The following ASIC2 variants were observed in gnomAD, a reference collection of about 807,000 sequenced individuals.
The protein encoded by ASIC2 is acid sensing ion channel subunit 2.
A neutral mutation model predicts 57.3 loss-of-function variants in ASIC2; 25 were observed. The ratio of observed to expected loss-of-function variants is 0.44; its 90% confidence interval spans 0.32 to 0.61. The LOEUF is 0.61. Ranked by LOEUF, ASIC2 falls within the 20% of genes least tolerant of loss-of-function variation. The pLI, the probability that ASIC2 is intolerant of heterozygous loss-of-function variation, is 0.06. For missense variants in ASIC2, 641 were observed against 738.1 expected, an observed-to-expected ratio of 0.87 and a Z score of 1.52; for synonymous variants, 319 against 307.5, an observed-to-expected ratio of 1.04 and a Z score of -0.39.
chr17:34,129,222 G>C lies in ASIC2; in HGVS notation c.555+26756C>G, dbSNP rs191881453. Among the ~76,000 whole-genome samples, 391 of 152,248 alleles carry C rather than the reference G, an allele frequency of 2.6e-3. 1 individual carries two copies. Among genetic ancestry groups the C allele is most frequent in the African/African-American group, 8.7e-3 (360 of 41,534 alleles). On this transcript the variant is annotated intron_variant, in intron 1 of 9. Transcript: ENST00000359872. ...CATTTAATCCTCACAACAGCCTAAT[G>C]AGGTGGGGACTAGGATCACCCCACG...
intron 1 of ASIC2, among the ~76,000 whole-genome samples, chr17:33,185,833 C>T (rs997955423): frequency 1.3e-5 from 2 of 152,186 alleles, no homozygotes; most frequent in African/African-American, 4.8e-5. Flanking sequence ...CAGAGTGGAA[C>T]AGCTTTGTAA....
At chr17:33,596,311 CCAAA>C (rs1597801796) in intron 1 of ASIC2, among the ~76,000 whole-genome samples, 1 of 152,184 alleles carries the variant, frequency 6.6e-6, no homozygotes, top group East Asian at 1.9e-4. Flanking sequence ...TATTCAGTTA[CCAAA>C]CAGTTATTCG....
At chr17:33,266,006 T>G (rs1175995881) in intron 1 of ASIC2, among the ~76,000 whole-genome samples, 2 of 152,210 alleles carry the variant, frequency 1.3e-5, no homozygotes, top group African/African-American at 4.8e-5. Flanking sequence ...GTGGTCTTGC[T>G]GCTCCTTGAA....
At chr17:33,350,124 C>A (rs1203120931) in intron 1 of ASIC2, among the ~76,000 whole-genome samples, 3 of 152,166 alleles carry the variant, frequency 2.0e-5, no homozygotes, top group Non-Finnish European at 4.4e-5. Context: ...CCTATTGAGT[C>A]TCCTTGGATT....
At chr17:33,539,569 G>A (rs1915341504) in intron 1 of ASIC2, among the ~76,000 whole-genome samples, 2 of 152,256 alleles carry the variant, frequency 1.3e-5, no homozygotes, top group South Asian at 4.1e-4. Flanking sequence ...CCTTGTAGAA[G>A]TGCAACCATC....
intron 1 of ASIC2, among the ~76,000 whole-genome samples, chr17:33,145,612 A>C (rs1904528896): frequency 6.6e-6 from 1 of 152,078 alleles, no homozygotes; most frequent in Non-Finnish European, 1.5e-5. Context: ...TTCCTTACCT[A>C]TTTCCGTATT....
chr17:33,446,854 T>C (rs1912041188), intron 1 of ASIC2, among the ~76,000 whole-genome samples: 1 of 152,196 alleles, frequency 6.6e-6, no homozygotes, highest in African/African-American at 2.4e-5. Context: ...CGTGGCATGG[T>C]CTTGAAGAAT....
At chr17:33,568,359 A>T (rs1916314955) in intron 1 of ASIC2, among the ~76,000 whole-genome samples, 1 of 152,226 alleles carries the variant, frequency 6.6e-6, no homozygotes, top group Non-Finnish European at 1.5e-5. Context: ...ATTTTTATAT[A>T]TCCGCTCATT....
chr17:33,876,255 T>A (rs1248311237), intron 1 of ASIC2, among the ~76,000 whole-genome samples: 1 of 152,174 alleles, frequency 6.6e-6, no homozygotes, highest in Admixed American at 6.5e-5. Context: ...ATTTCACTCC[T>A]TGAGAAGTTA....
At chr17:33,417,660 G>A (rs1168598046) in intron 1 of ASIC2, among the ~76,000 whole-genome samples, 1 of 152,150 alleles carries the variant, frequency 6.6e-6, no homozygotes, top group Non-Finnish European at 1.5e-5. Flanking sequence ...TGCCATGCTG[G>A]TTGTTGAGGA....
At chr17:34,130,883 C>T (rs1911933012) in intron 1 of ASIC2, among the ~76,000 whole-genome samples, 1 of 152,142 alleles carries the variant, frequency 6.6e-6, no homozygotes, top group Non-Finnish European at 1.5e-5. Context: ...TGATGCCTGC[C>T]CTTAGGTAAA....
intron 1 of ASIC2, among the ~76,000 whole-genome samples, chr17:33,622,934 G>A (rs1003627164): frequency 1.7e-4 from 26 of 152,162 alleles, no homozygotes; most frequent in African/African-American, 6.3e-4. Context: ...AAAAATGAGA[G>A]CCCAGAGAAG....
In ASIC2 at chr17:33,204,282, C is replaced by T. The variant is rs1167744988; in HGVS notation, c.708+87126G>A. On this transcript the variant is annotated intron_variant, in intron 1 of 9. Coordinates refer to ENST00000225823, the MANE Select transcript of ASIC2 (RefSeq NM_183377.2). ...CCTACTTGTCTCTCCCCTTGTCCAGCTCTGGTCACTACGTTCTTGTTACCT... is the reference window on the plus strand; with the variant it reads ...CCTACTTGTCTCTCCCCTTGTCCAGTTCTGGTCACTACGTTCTTGTTACCT... 2.0e-5 allele frequency among the ~76,000 whole-genome samples: 3 copies of T among 152,328 alleles called. 1 individual carries two copies. The highest frequency in any genetic ancestry group is 6.8e-3 in the Middle Eastern group (2 of 294).
chr17:33,598,658 C>T (rs1905045685), intron 1 of ASIC2, among the ~76,000 whole-genome samples: 1 of 152,138 alleles, frequency 6.6e-6, no homozygotes, highest in South Asian at 2.1e-4. Flanking sequence ...CTTTTCCTTC[C>T]CAGCTGGGTC....
chr17:33,677,634 GT>G (rs1907866647), intron 1 of ASIC2, among the ~76,000 whole-genome samples: 1 of 152,192 alleles, frequency 6.6e-6, no homozygotes, highest in Non-Finnish European at 1.5e-5. Flanking sequence ...GCTTTGAGGA[GT>G]TCAAGGCTTC....
At chr17:34,116,355 C>T (rs1911424359) in intron 1 of ASIC2, among the ~76,000 whole-genome samples, 1 of 152,178 alleles carries the variant, frequency 6.6e-6, no homozygotes, top group Non-Finnish European at 1.5e-5. Context: ...TAGATAGAAC[C>T]TAGCACAGGG....
At chr17:33,318,932 G>A (rs1337925575) in intron 1 of ASIC2, among the ~76,000 whole-genome samples, 1 of 152,234 alleles carries the variant, frequency 6.6e-6, no homozygotes, top group African/African-American at 2.4e-5. Flanking sequence ...GAGCAAAACT[G>A]GGGCAGCCAG....
intron 1 of ASIC2, among the ~76,000 whole-genome samples, chr17:33,853,669 C>T (rs1424745676): frequency 1.3e-5 from 2 of 152,096 alleles, no homozygotes; most frequent in Admixed American, 6.6e-5. Context: ...GCAGGAAAGA[C>T]CAACGTGGGA....
chr17:34,016,338 G>A (rs556429806), intron 1 of ASIC2, among the ~76,000 whole-genome samples: 164 of 150,974 alleles, frequency 1.1e-3, no homozygotes, highest in South Asian at 2.3e-3. Context: ...GCAGGAGAAC[G>A]GCGTGAACCC....
Sources: allele counts gnomAD v4.1 joint callset (sites outside exome capture counted in the v4.1 genomes callset), GRCh38; gene constraint gnomAD v4.1.1; transcripts MANE v1.5; gene names NCBI Gene and HGNC (gene_info 2026-07-23, HGNC 2026-07-21).